CCSER2: variants seen among roughly 807,000 people sequenced by gnomAD.
CCSER2 encodes coiled-coil serine rich protein 2.
In CCSER2, 46 loss-of-function variants were observed where a neutral mutation model predicts 92.3. That is an observed-to-expected ratio of 0.50 (90% confidence interval 0.39 to 0.64). The LOEUF (loss-of-function observed/expected upper bound fraction) is 0.64. CCSER2 is among the 30% of genes least tolerant of loss of function. The pLI, the probability that CCSER2 is intolerant of heterozygous loss-of-function variation, is 0.00. For missense variants in CCSER2, 1,244 were observed against 1,238.9 expected (o/e 1.00, Z -0.06); for synonymous variants, 433 against 431.4 (o/e 1.00, Z -0.04).
chr10:84,449,139 C>G (rs1845110784), intron 6 of CCSER2, among the ~76,000 whole-genome samples: 1 of 152,128 alleles, frequency 6.6e-6, no homozygotes, highest in Non-Finnish European at 1.5e-5. Flanking sequence ...ATTTGGGAGG[C>G]CGAGGTAGGT....
chr10:84,383,664 A>T (rs1354261253), intron 3 of CCSER2, among the ~76,000 whole-genome samples: 1 of 152,148 alleles, frequency 6.6e-6, no homozygotes, highest in Non-Finnish European at 1.5e-5. Flanking sequence ...AGGTGGTTGC[A>T]CCTTCTCTAC....
At chr10:84,398,077 A>G (rs1841936568) in intron 3 of CCSER2, among the ~76,000 whole-genome samples, 1 of 152,218 alleles carries the variant, frequency 6.6e-6, no homozygotes. Flanking sequence ...CAAGTCAGAC[A>G]CATGTCTCTG....
intron 3 of CCSER2, among the ~76,000 whole-genome samples, chr10:84,386,290 T>A (rs1015900908): frequency 6.6e-6 from 1 of 152,268 alleles, no homozygotes; most frequent in African/African-American, 2.4e-5. Context: ...TCTGCACTTG[T>A]ATGTTTATCA....
intron 5 of CCSER2, 55 bp from the exon 6 acceptor site, chr10:84,438,457 T>G: frequency 1.1e-6 from 1 of 947,458 alleles, no homozygotes; most frequent in Non-Finnish European, 1.6e-6. Context: ...TCTTTATTTC[T>G]TTCTGAAATT....
chr10:84,459,696 A>G (rs542170898), intron 6 of CCSER2, among the ~76,000 whole-genome samples: 145 of 152,030 alleles, frequency 9.5e-4, no homozygotes, highest in African/African-American at 3.3e-3. Flanking sequence ...CTAATTTTTT[A>G]TAGTTTTGGT....
chr10:84,496,920 A>T (rs915380951), intron 9 of CCSER2, among the ~76,000 whole-genome samples: 5 of 152,172 alleles, frequency 3.3e-5, no homozygotes, highest in Non-Finnish European at 5.9e-5. Context: ...TGTATTTGAC[A>T]GCAGGAAAAG....
intron 1 of CCSER2, among the ~76,000 whole-genome samples, chr10:84,339,069 G>A (rs1366398807): frequency 1.3e-5 from 2 of 151,208 alleles, no homozygotes; most frequent in African/African-American, 4.9e-5. Flanking sequence ...AAAATCTTCT[G>A]TGGCTCCCTA....
At chr10:84,465,172 T>G (rs1490860023) in intron 7 of CCSER2, among the ~76,000 whole-genome samples, 2 of 140,698 alleles carry the variant, frequency 1.4e-5, no homozygotes, top group Non-Finnish European at 3.1e-5. Flanking sequence ...ACCTCCCAGT[T>G]TAGAAAAAAA....
chr10:84,494,193 C>G (rs1176124253), intron 9 of CCSER2, among the ~76,000 whole-genome samples: 1 of 152,100 alleles, frequency 6.6e-6, no homozygotes, highest in Non-Finnish European at 1.5e-5. Context: ...GGTCCGTGGC[C>G]CAGGGGTTGG....
intron 9 of CCSER2, among the ~76,000 whole-genome samples, chr10:84,501,834 AATAT>A (rs1554868293): frequency 1.0e-4 from 4 of 40,174 alleles, no homozygotes; most frequent in African/African-American, 1.9e-4. Context: ...AAAAAAAAAA[AATAT>A]ATATATATAT....
intron 3 of CCSER2, among the ~76,000 whole-genome samples, chr10:84,385,699 A>T (rs1002876027): frequency 6.6e-6 from 1 of 152,202 alleles, no homozygotes; most frequent in African/African-American, 2.4e-5. Context: ...TAGGCAAAAG[A>T]TTTATGAGTA....
intron 1 of CCSER2, among the ~76,000 whole-genome samples, chr10:84,331,440 C>T (rs34023026): frequency 0.059 from 8,922 of 152,258 alleles, 374 homozygotes; most frequent in Admixed American, 0.1. Context: ...GTGCTTGGGG[C>T]GCTCTCTCCA....
At chr10:84,373,943 TGTTAA>T in intron 3 of CCSER2, 128 bp downstream of exon 3, 1 of 1,491,364 alleles carries the variant, frequency 6.7e-7, no homozygotes, top group African/African-American at 1.4e-5. Flanking sequence ...AATTCATATT[TGTTAA>T]GAGCCTATAA....
At chr10:84,443,034 C>T (rs1844671600) in intron 6 of CCSER2, among the ~76,000 whole-genome samples, 1 of 152,088 alleles carries the variant, frequency 6.6e-6, no homozygotes, top group South Asian at 2.1e-4. Flanking sequence ...GACCTAAAAC[C>T]TTAAAAACTC....
chr10:84,471,742 A>C (rs1251849498), intron 8 of CCSER2, among the ~76,000 whole-genome samples: 1 of 152,144 alleles, frequency 6.6e-6, no homozygotes, highest in African/African-American at 2.4e-5. Context: ...ATTTTACCTA[A>C]TGTAAATTAC....
intron 5 of CCSER2, among the ~76,000 whole-genome samples, chr10:84,426,594 A>C (rs548715895): frequency 1.3e-5 from 2 of 152,222 alleles, no homozygotes; most frequent in African/African-American, 4.8e-5. Flanking sequence ...TACAGTAGGC[A>C]CTCTGTGGAA....
chr10:84,494,304 G>A (rs1026139696), intron 9 of CCSER2, among the ~76,000 whole-genome samples: 1 of 152,194 alleles, frequency 6.6e-6, no homozygotes, highest in Non-Finnish European at 1.5e-5. Flanking sequence ...ATTATAATTA[G>A]CATATAATGA....
chr10:84,465,913 G>C (rs1042232674), intron 7 of CCSER2, among the ~76,000 whole-genome samples: 1 of 152,020 alleles, frequency 6.6e-6, no homozygotes, highest in Non-Finnish European at 1.5e-5. Context: ...ACCGCGCCCA[G>C]CTAATTTTTT....
At chr10:84,431,819 G>T (rs1298204781) in intron 5 of CCSER2, among the ~76,000 whole-genome samples, 1 of 152,166 alleles carries the variant, frequency 6.6e-6, no homozygotes, top group African/African-American at 2.4e-5. Flanking sequence ...AAACATCTTG[G>T]TTGCTTCCAA....
Sources: allele counts gnomAD v4.1 joint callset (sites outside exome capture counted in the v4.1 genomes callset), GRCh38; gene constraint gnomAD v4.1.1; transcripts MANE v1.5; gene names NCBI Gene and HGNC (gene_info 2026-07-23, HGNC 2026-07-21).